The following FBXO31 variants were observed in gnomAD, a reference collection of about 807,000 sequenced individuals.
FBXO31 encodes the protein F-box protein 31.
Under a neutral mutation model 54.4 loss-of-function variants are expected in FBXO31, and 24 were observed. The observed-to-expected ratio is 0.44, with a 90% CI of 0.32 to 0.62. The LOEUF (loss-of-function observed/expected upper bound fraction) is 0.62, where lower values mean the gene tolerates loss of function less well. Among genes scored for constraint, FBXO31 ranks in the 20% least tolerant of loss-of-function variants. The pLI, the probability that FBXO31 is intolerant of heterozygous loss-of-function variation, is 0.05. For synonymous variants in FBXO31, 388 were observed against 335.6 expected, an observed-to-expected ratio of 1.16 and a Z score of -1.71; for missense variants, 665 against 787.1, an observed-to-expected ratio of 0.84 and a Z score of 1.86.
chr16:87,352,974 C>T (rs936453525), intron 2 of FBXO31, among the ~76,000 whole-genome samples: 2 of 152,164 alleles, frequency 1.3e-5, no homozygotes, highest in Non-Finnish European at 2.9e-5. Context: ...GCTAGGAGAC[C>T]GGCGGGGATG....
rs1014057789 is a variant in FBXO31 at position 87,328,828 on chromosome 16, C to G, written c.*2460G>C. ...CCTCCCAACTCCACCTGCCACCTTC[C>G]CCAATCAAGCCTAATGCGCTTGGCT... is the stretch of plus-strand genomic sequence containing the variant. On this transcript the variant is annotated 3_prime_UTR_variant, in exon 9 of 9. Coordinates refer to ENST00000311635, the MANE Select transcript of FBXO31 (RefSeq NM_024735.5). 2 of 152,262 alleles carry G rather than the reference C, an allele frequency of 1.3e-5. No homozygotes were observed. The highest frequency in any genetic ancestry group is 4.8e-5 in the African/African-American group (2 of 41,446). 9.4% of individuals were successfully genotyped at this position (152,262 alleles called of 1,614,324 possible). A position where few individuals can be genotyped will look rare whatever the true frequency, so the allele number is the denominator to read the frequency against.
At position 87,330,796 on chromosome 16, in the gene FBXO31, T is replaced by C; in HGVS notation, c.*492A>G. The C allele has an allele frequency of 5.9e-6, 1 of 170,126 alleles. No homozygotes were observed. Among genetic ancestry groups the C allele is most frequent in the Non-Finnish European group, 1.3e-5 (1 of 78,992 alleles). 10.5% of individuals were successfully genotyped at this position (170,126 alleles called of 1,614,324 possible). On this transcript the variant is annotated 3_prime_UTR_variant, in exon 9 of 9. Coordinates refer to ENST00000311635, the MANE Select transcript of FBXO31 (RefSeq NM_024735.5). ...CGTACTGTGCCCATCACACCTGCGCTGCCTGAGCTGTTCGCCTCTTCCTGA... is the reference window on the plus strand; with the variant it reads ...CGTACTGTGCCCATCACACCTGCGCCGCCTGAGCTGTTCGCCTCTTCCTGA...
chr16:87,367,164 T>A (rs1906404910), intron 1 of FBXO31: 1 of 152,070 alleles, frequency 6.6e-6, no homozygotes, highest in Admixed American at 6.5e-5. Flanking sequence ...AGTGAGACCC[T>A]GTCTCAAAAA....
In FBXO31 at chr16:87,382,498, T is replaced by C. The variant is rs764294715; in HGVS notation, c.340+907A>G. Among the ~76,000 whole-genome samples the C allele has an allele frequency of 2.8e-4, 42 of 152,148 alleles. 1 individual carries two copies. Among genetic ancestry groups the C allele is most frequent in the Non-Finnish European group, 4.1e-4 (28 of 68,032 alleles). ...CCTTGAACTCCAGATTAAATAAACA[T>C]CTCCTCCTGTGATCTGTTACATCCA... On this transcript the variant is annotated intron_variant, in intron 1 of 8. Coordinates refer to ENST00000311635, the MANE Select transcript of FBXO31 (RefSeq NM_024735.5).
At chr16:87,355,886 G>A (rs1905869807) in intron 2 of FBXO31, among the ~76,000 whole-genome samples, 1 of 152,186 alleles carries the variant, frequency 6.6e-6, no homozygotes, top group South Asian at 2.1e-4. Flanking sequence ...GGCCTCCCCA[G>A]AGGCTGGTCA....
rs960616120 is a variant in FBXO31 at position 87,358,820 on chromosome 16, G to A, written c.412+1475C>T. On this transcript the variant is annotated intron_variant, in intron 2 of 8. Coordinates refer to ENST00000311635, the MANE Select transcript of FBXO31 (RefSeq NM_024735.5). The surrounding 1 kb of genome is among the most constrained non-coding windows in gnomAD (Gnocchi z 4.0). ...GGCCACAGCTCACTGGGGCTCAGGA[G>A]GTGGGAGGGCAGGTGTCCTGGCAGG... is the stretch of plus-strand genomic sequence containing the variant. 3.3e-5 allele frequency among the ~76,000 whole-genome samples: 5 copies of A among 152,188 alleles called. No homozygotes were observed. Among genetic ancestry groups the A allele is most frequent in the Admixed American group, 2.0e-4 (3 of 15,276 alleles).
chr16:87,331,642 C>T (rs2150666666), intron 8 of FBXO31, 132 bp from the exon 9 acceptor site: 1 of 755,748 alleles, frequency 1.3e-6, no homozygotes, highest in Non-Finnish European at 2.1e-6. Context: ...AAGCTGACTC[C>T]CAGAGCCAGC....
intron 8 of FBXO31, 95 bp from the exon 9 acceptor site, chr16:87,331,605 G>T (rs777977621): frequency 4.7e-5 from 49 of 1,044,532 alleles, no homozygotes; most frequent in Admixed American, 1.9e-4. Context: ...TGTGCCGCAA[G>T]AGCCACATCC....
rs1597355635 is a variant in FBXO31 at position 87,331,221 on chromosome 16, T to C, written c.*67A>G. On this transcript the variant is annotated 3_prime_UTR_variant, in exon 9 of 9. Coordinates refer to ENST00000311635, the MANE Select transcript of FBXO31 (RefSeq NM_024735.5). ...GCCGGATTTCCAAAGTGCATGCTGC[T>C]TCTATTCACAGGTCAGAGTTCAGAG... The C allele has an allele frequency of 6.6e-7, 1 of 1,512,760 alleles. No individual in the cohort carries two copies. The highest frequency in any genetic ancestry group is 9.1e-7 in the Non-Finnish European group (1 of 1,095,176). 93.7% of individuals were successfully genotyped at this position (1,512,760 alleles called of 1,614,324 possible).
chr16:87,360,450 G>A (rs571824181), intron 1 of FBXO31, 84 bp from the exon 2 acceptor site: 3 of 1,166,116 alleles, frequency 2.6e-6, no homozygotes, highest in Non-Finnish European at 3.8e-6. Flanking sequence ...GGCTGGCAGG[G>A]GAGGTGCACA....
At chr16:87,361,437 T>C (rs1356299395) in intron 1 of FBXO31, among the ~76,000 whole-genome samples, 5 of 152,234 alleles carry the variant, frequency 3.3e-5, no homozygotes, top group South Asian at 2.1e-4. Context: ...CATGGACCAC[T>C]GCAGCTCACA....
intron 8 of FBXO31, among the ~76,000 whole-genome samples, chr16:87,332,119 A>G (rs1429890919): frequency 1.3e-5 from 2 of 152,142 alleles, no homozygotes; most frequent in Admixed American, 1.3e-4. Flanking sequence ...GGAATCACCC[A>G]CTGAGGCTCC....
Position 87,355,032 on chromosome 16 carries a change from C to T in FBXO31, c.412+5263G>A, listed in dbSNP as rs1159435514. 2.6e-5 allele frequency among the ~76,000 whole-genome samples: 4 copies of T among 152,002 alleles called. No individual in the cohort carries two copies. In the East Asian group the frequency reaches 5.8e-4, roughly 22 times the overall value. Reference sequence around the variant, plus strand: ...GGGTCCCAGCCTTCTACCGTATGGGCTTGTTCCCACCCAGGACAGTCCTAC... The same window carrying T: ...GGGTCCCAGCCTTCTACCGTATGGGTTTGTTCCCACCCAGGACAGTCCTAC... On this transcript the variant is annotated intron_variant, in intron 2 of 8. Coordinates refer to ENST00000311635, the MANE Select transcript of FBXO31 (RefSeq NM_024735.5).
At chr16:87,341,045 GACACT>G (rs1905177526) in intron 5 of FBXO31, among the ~76,000 whole-genome samples, 1 of 151,818 alleles carries the variant, frequency 6.6e-6, no homozygotes, top group African/African-American at 2.4e-5. Flanking sequence ...CTGATCCCAA[GACACT>G]AGGCTGGTCT....
chr16:87,365,037 A>ATATC (rs1906306885), intron 1 of FBXO31, among the ~76,000 whole-genome samples: 2 of 106,892 alleles, frequency 1.9e-5, no homozygotes, highest in Admixed American at 1.0e-4. Context: ...ATATATATAT[A>ATATC]TATCAGGCAG....
At chr16:87,385,575 A>G (rs1465306759), upstream of FBXO31, among the ~76,000 whole-genome samples, 1 of 152,274 alleles carries the variant, frequency 6.6e-6, no homozygotes, top group Non-Finnish European at 1.5e-5. Context: ...TGCTCTAACA[A>G]TAAGTAAAAC....
chr16:87,365,010 A>AATAAATATATATAT (rs1906294219), intron 1 of FBXO31, among the ~76,000 whole-genome samples: 1 of 47,684 alleles, frequency 2.1e-5, no homozygotes, highest in Admixed American at 2.7e-4. Flanking sequence ...CCGTCTCTTA[A>AATAAATATATATAT]ATATATATAT....
At chr16:87,367,981 G>C (rs903355670) in intron 1 of FBXO31, 4 of 152,152 alleles carry the variant, frequency 2.6e-5, no homozygotes, top group African/African-American at 9.7e-5. Context: ...TTTATTAACT[G>C]CTTGGACTTC....
At chr16:87,370,983 G>A (rs1209744332) in intron 1 of FBXO31, among the ~76,000 whole-genome samples, 2 of 152,108 alleles carry the variant, frequency 1.3e-5, no homozygotes, top group Non-Finnish European at 2.9e-5. Flanking sequence ...CAAGAACAGC[G>A]CCCCAACTGC....
Sources: allele counts gnomAD v4.1 joint callset (sites outside exome capture counted in the v4.1 genomes callset), GRCh38; gene constraint gnomAD v4.1.1; non-coding constraint Gnocchi (gnomAD v3.1); transcripts MANE v1.5; gene names NCBI Gene and HGNC (gene_info 2026-07-23, HGNC 2026-07-21).